Variants in TCF12 observed in about 807,000 individuals in gnomAD.
The protein encoded by TCF12 is DNA-binding protein HTF4.
In TCF12, 45 loss-of-function variants were observed where a neutral mutation model predicts 86.0. That is an observed-to-expected ratio of 0.52 (90% CI 0.41 to 0.67). The LOEUF (loss-of-function observed/expected upper bound fraction) is 0.67, where lower values mean the gene tolerates loss of function less well. TCF12 is among the 30% of genes least tolerant of loss of function. The pLI, the probability that TCF12 is intolerant of heterozygous loss-of-function variation, is 0.00. For synonymous variants in TCF12, 330 were observed against 299.6 expected (o/e 1.10, Z -1.05); for missense variants, 881 against 859.9 (o/e 1.02, Z -0.31).
At chr15:57,074,360 T>TAAAAA (rs35606687) in intron 4 of TCF12, among the ~76,000 whole-genome samples, 1 of 110,624 alleles carries the variant, frequency 9.0e-6, no homozygotes, top group Non-Finnish European at 2.2e-5. Context: ...CCATTTTGAT[T>TAAAAA]AAAAAAAAAA....
intron 11 of TCF12, 146 bp downstream of exon 11, chr15:57,233,002 A>G (rs902515482): frequency 1.1e-5 from 5 of 435,372 alleles, no homozygotes; most frequent in Non-Finnish European, 9.9e-6. Context: ...TGTTATATGT[A>G]TATATGTGTT....
chr15:57,066,300 C>G (rs2068869115), intron 4 of TCF12, among the ~76,000 whole-genome samples: 1 of 152,028 alleles, frequency 6.6e-6, no homozygotes, highest in Admixed American at 6.5e-5. Flanking sequence ...CTTCATTCTC[C>G]TATTTTAGTA....
chr15:57,109,171 A>G (rs2050325569), intron 5 of TCF12: 1 of 152,166 alleles, frequency 6.6e-6, no homozygotes, highest in African/African-American at 2.4e-5. Flanking sequence ...ATATTTATCT[A>G]CTGTGAAGCC....
intron 3 of TCF12, among the ~76,000 whole-genome samples, chr15:57,013,334 T>C (rs1395548738): frequency 6.6e-6 from 1 of 152,162 alleles, no homozygotes; most frequent in African/African-American, 2.4e-5. Flanking sequence ...CCTTTTATAC[T>C]GAGTCTTGCT....
At chr15:56,991,485 A>C (rs1377856731) in intron 3 of TCF12, among the ~76,000 whole-genome samples, 1 of 152,206 alleles carries the variant, frequency 6.6e-6, no homozygotes, top group Non-Finnish European at 1.5e-5. Flanking sequence ...TAATTTACTC[A>C]GTTCAGAAAA....
At chr15:57,095,403 A>G (rs2049257467) in intron 5 of TCF12, among the ~76,000 whole-genome samples, 2 of 152,192 alleles carry the variant, frequency 1.3e-5, no homozygotes, top group South Asian at 4.1e-4. Context: ...TGGGAGGATC[A>G]GTTTACTGGT....
At chr15:57,211,723 G>C (rs1488095785) in intron 8 of TCF12, among the ~76,000 whole-genome samples, 1 of 152,204 alleles carries the variant, frequency 6.6e-6, no homozygotes, top group African/African-American at 2.4e-5. Context: ...GGAAGTCGAG[G>C]CTGGCAGATC....
intron 4 of TCF12, among the ~76,000 whole-genome samples, chr15:57,065,577 G>T (rs1311672095): frequency 6.6e-6 from 1 of 151,994 alleles, no homozygotes; most frequent in Non-Finnish European, 1.5e-5. Flanking sequence ...ATTAAATGGT[G>T]CCTGGGTGCC....
intron 13 of TCF12, chr15:57,247,020 C>A (rs1453469160): frequency 3.7e-6 from 2 of 545,924 alleles, no homozygotes; most frequent in African/African-American, 3.8e-5. Context: ...TGAGCTTCTT[C>A]CACCAAAAGT....
At chr15:57,099,052 G>A (rs2049540023) in intron 5 of TCF12, among the ~76,000 whole-genome samples, 1 of 152,100 alleles carries the variant, frequency 6.6e-6, no homozygotes, top group African/African-American at 2.4e-5. Context: ...ATATTGTAAG[G>A]TACCTTATTC....
At chr15:57,268,267 C>G (rs2060961423) in intron 18 of TCF12, among the ~76,000 whole-genome samples, 1 of 152,178 alleles carries the variant, frequency 6.6e-6, no homozygotes, top group African/African-American at 2.4e-5. Flanking sequence ...CTTGGAGATT[C>G]TAATGAGTGG....
intron 5 of TCF12, among the ~76,000 whole-genome samples, chr15:57,154,016 GAAAA>G (rs1469287636): frequency 2.7e-5 from 4 of 149,688 alleles, no homozygotes; most frequent in Non-Finnish European, 4.5e-5. Context: ...AAAAAGAAAA[GAAAA>G]AAGAAGTTTG....
chr15:57,136,174 A>G (rs1301762070), intron 5 of TCF12, among the ~76,000 whole-genome samples: 3 of 152,230 alleles, frequency 2.0e-5, no homozygotes, highest in Non-Finnish European at 4.4e-5. Flanking sequence ...CTCTGAGCAC[A>G]GTAGATAAAG....
intron 3 of TCF12, among the ~76,000 whole-genome samples, chr15:57,047,234 A>G (rs549175072): frequency 2.8e-4 from 43 of 152,358 alleles, no homozygotes; most frequent in African/African-American, 1.0e-3. Context: ...TAGAATATTT[A>G]AAATGGTGCT....
chr15:57,066,633 A>G (rs1363492759), intron 4 of TCF12, among the ~76,000 whole-genome samples: 2 of 152,180 alleles, frequency 1.3e-5, no homozygotes, highest in Admixed American at 6.5e-5. Flanking sequence ...GGTATTAGAA[A>G]CTGCAAAATG....
At chr15:57,019,730 A>G (rs1461182937) in intron 3 of TCF12, among the ~76,000 whole-genome samples, 3 of 150,110 alleles carry the variant, frequency 2.0e-5, no homozygotes, top group South Asian at 2.1e-4. Flanking sequence ...TAGGTTCTCA[A>G]TAGTGATGTT....
intron 18 of TCF12, among the ~76,000 whole-genome samples, chr15:57,264,057 T>C (rs1425905555): frequency 6.6e-6 from 1 of 152,058 alleles, no homozygotes. Context: ...AATAGTAAAT[T>C]AACCTTAGCT....
At chr15:57,275,274 G>C (rs1346851045) in intron 19 of TCF12, among the ~76,000 whole-genome samples, 1 of 103,554 alleles carries the variant, frequency 9.7e-6, no homozygotes, top group East Asian at 2.7e-4. Context: ...GACTGGGCTT[G>C]AAGCCTTATC....
intron 3 of TCF12, among the ~76,000 whole-genome samples, chr15:57,039,139 C>A (rs752345307): frequency 5.3e-5 from 8 of 152,080 alleles, no homozygotes; most frequent in Non-Finnish European, 1.0e-4. Context: ...CCACTTGTTA[C>A]CTTTTTGATT....
Sources: allele counts gnomAD v4.1 joint callset (sites outside exome capture counted in the v4.1 genomes callset), GRCh38; gene constraint gnomAD v4.1.1; transcripts MANE v1.5; gene names NCBI Gene and HGNC (gene_info 2026-07-23, HGNC 2026-07-21).